HIVEP3: variants seen among roughly 807,000 people sequenced by gnomAD.
HIVEP3 encodes transcription factor HIVEP3.
In HIVEP3, 49 loss-of-function variants were observed where a neutral mutation model predicts 152.8. That is an observed-to-expected ratio of 0.32 (90% CI 0.26 to 0.41). The LOEUF is 0.41. Among genes scored for constraint, HIVEP3 ranks in the 10% least tolerant of loss-of-function variants. HIVEP3 has a pLI of 1.00. For synonymous variants in HIVEP3, 1,269 were observed against 1,289.0 expected (o/e 0.98, Z 0.33); for missense variants, 2,790 against 3,103.3 (o/e 0.90, Z 2.40).
chr1:42,010,388 G>A (rs1328992571), intron 1 of HIVEP3, among the ~76,000 whole-genome samples: 1 of 152,132 alleles, frequency 6.6e-6, no homozygotes, highest in Non-Finnish European at 1.5e-5. Context: ...CTGAAGGACT[G>A]TAGATTAGTA....
At chr1:42,010,145 T>A (rs368926383) in intron 1 of HIVEP3, among the ~76,000 whole-genome samples, 5 of 152,166 alleles carry the variant, frequency 3.3e-5, no homozygotes, top group Admixed American at 2.0e-4. Context: ...TCCTCCTACA[T>A]TGGTCTCCCA....
At chr1:41,544,849 C>T (rs111203975) in intron 5 of HIVEP3, among the ~76,000 whole-genome samples, 61 of 84,226 alleles carry the variant, frequency 7.2e-4, no homozygotes, top group East Asian at 1.2e-3. Context: ...ACCACTACCA[C>T]CACCACCACC....
At chr1:41,685,593 G>A (rs535645284) in intron 2 of HIVEP3, among the ~76,000 whole-genome samples, 5 of 152,344 alleles carry the variant, frequency 3.3e-5, no homozygotes, top group African/African-American at 1.2e-4. Context: ...CCCACGGGAA[G>A]AGATCATCTT....
intron 1 of HIVEP3, among the ~76,000 whole-genome samples, chr1:41,787,998 CA>C (rs1183616755): frequency 6.6e-6 from 1 of 152,154 alleles, no homozygotes; most frequent in East Asian, 1.9e-4. Flanking sequence ...GGGAACTCCT[CA>C]AAGGGATTTA....
chr1:41,524,839 C>A lies in HIVEP3; in HGVS notation c.5279G>T (p.Gly1760Val). The change falls in exon 6 of 9, where the codon GGA (glycine) becomes GTA (valine). Residue 1760 changes from glycine (G) to valine (V), a missense_variant. By Grantham distance (109) the Gly-to-Val change is moderately radical. Coordinates refer to ENST00000372583, the MANE Select transcript of HIVEP3 (RefSeq NM_024503.5). ...CATGCTGGGCTTCTTGCAGCGAATT[C>A]CACACTCCTCACAAACATATTTCCC... ...GRGKYVCEEC[G>V]IRCKKPSMLK... The A allele has an allele frequency of 6.2e-7, 1 of 1,614,164 alleles. No homozygotes were observed. Among genetic ancestry groups the A allele is most frequent in the Non-Finnish European group, 8.5e-7 (1 of 1,179,986 alleles).
intron 1 of HIVEP3, among the ~76,000 whole-genome samples, chr1:41,904,630 G>A (rs1303790640): frequency 7.0e-6 from 1 of 141,974 alleles, no homozygotes; most frequent in African/African-American, 2.5e-5. Context: ...GGCCCACAGA[G>A]GATTGTACTT....
At chr1:41,863,597 T>C (rs1012940440) in intron 1 of HIVEP3, among the ~76,000 whole-genome samples, 3 of 152,238 alleles carry the variant, frequency 2.0e-5, no homozygotes, top group African/African-American at 7.2e-5. Context: ...TTTGCATTTG[T>C]AGCCAAGAGC....
chr1:41,999,865 C>G (rs1421061908), intron 1 of HIVEP3, among the ~76,000 whole-genome samples: 2 of 151,508 alleles, frequency 1.3e-5, no homozygotes, highest in African/African-American at 2.4e-5. Context: ...AGAGTCAAGC[C>G]ACGCAGCAAA....
At chr1:41,808,918 T>G (rs1228933174) in intron 1 of HIVEP3, among the ~76,000 whole-genome samples, 1 of 152,260 alleles carries the variant, frequency 6.6e-6, no homozygotes, top group Admixed American at 6.5e-5. Flanking sequence ...GTTCTATGAT[T>G]TAATTCTTAT....
chr1:41,815,302 T>C (rs1481657750), intron 1 of HIVEP3, among the ~76,000 whole-genome samples: 4 of 152,032 alleles, frequency 2.6e-5, no homozygotes, highest in Admixed American at 6.5e-5. Context: ...AGTGGGACCC[T>C]TTCTCTACAA....
At chr1:41,656,809 C>T (rs1645635596) in intron 2 of HIVEP3, among the ~76,000 whole-genome samples, 1 of 152,218 alleles carries the variant, frequency 6.6e-6, no homozygotes, top group East Asian at 1.9e-4. Flanking sequence ...GAGAAAAGGG[C>T]AGGACCAGCA....
At position 41,783,209 on chromosome 1, in the gene HIVEP3, G is replaced by A. The variant is rs1440836222; in HGVS notation, c.-800-82214C>T. On this transcript the variant is annotated intron_variant, in intron 1 of 8. Coordinates refer to ENST00000372583, the MANE Select transcript of HIVEP3 (RefSeq NM_024503.5). ...ACATGGTAAGCCCTTGGCAGAAGCT[G>A]GCACGGACTAGATTGTTGTCGGGTG... 2.0e-5 allele frequency among the ~76,000 whole-genome samples: 3 copies of A among 152,148 alleles called. No individual in the cohort carries two copies. The East Asian group carries it at 5.8e-4, about 29-fold the overall frequency.
chr1:41,737,819 T>C (rs1358431857), intron 1 of HIVEP3, among the ~76,000 whole-genome samples: 1 of 151,972 alleles, frequency 6.6e-6, no homozygotes, highest in Non-Finnish European at 1.5e-5. Context: ...GGAGATATAT[T>C]TGGAAAGGGA....
At chr1:41,562,532 C>CCCTT (rs60530597) in intron 5 of HIVEP3, among the ~76,000 whole-genome samples, 24,167 of 141,666 alleles carry the variant, frequency 0.17, 2,697 homozygotes, top group East Asian at 0.44. Flanking sequence ...CCCTTCCCTT[C>CCCTT]CCTTCCTTCC....
intron 3 of HIVEP3, among the ~76,000 whole-genome samples, chr1:41,610,554 C>T (rs183425967): frequency 3.9e-5 from 6 of 152,148 alleles, no homozygotes; most frequent in African/African-American, 7.2e-5. Context: ...CAGAGAGGGA[C>T]GGTTCCTGCA....
chr1:41,767,277 GGAA>G (rs1209166361), intron 1 of HIVEP3, among the ~76,000 whole-genome samples: 2 of 152,230 alleles, frequency 1.3e-5, no homozygotes, highest in Non-Finnish European at 2.9e-5. Context: ...TCACTAGGAA[GGAA>G]GCACTGTGCT....
intron 5 of HIVEP3, among the ~76,000 whole-genome samples, chr1:41,544,471 G>A (rs1455529210): frequency 6.6e-6 from 1 of 151,892 alleles, no homozygotes; most frequent in African/African-American, 2.4e-5. Context: ...TGAAGATGTT[G>A]CTAGTGAGAG....
intron 1 of HIVEP3, among the ~76,000 whole-genome samples, chr1:41,796,481 T>C (rs936035423): frequency 6.6e-6 from 1 of 152,238 alleles, no homozygotes; most frequent in Admixed American, 6.5e-5. Context: ...TTCCGTAAAA[T>C]GAGGGGTTAA....
At chr1:41,908,353 T>A (rs866598464) in intron 1 of HIVEP3, among the ~76,000 whole-genome samples, 21 of 152,190 alleles carry the variant, frequency 1.4e-4, no homozygotes, top group Non-Finnish European at 2.9e-4. Flanking sequence ...CTATATCTAC[T>A]CAATATCATT....
Sources: allele counts gnomAD v4.1 joint callset (sites outside exome capture counted in the v4.1 genomes callset), GRCh38; gene constraint gnomAD v4.1.1; transcripts MANE v1.5; gene names NCBI Gene and HGNC (gene_info 2026-07-23, HGNC 2026-07-21).